The following HIP1 variants were observed in gnomAD, a reference collection of about 807,000 sequenced individuals.
HIP1 encodes the protein huntingtin interacting protein 1.
HIP1 carries 65 observed loss-of-function variants against 147.6 expected under a neutral mutation model. The observed-to-expected ratio is 0.44, with a 90% confidence interval of 0.36 to 0.54. The LOEUF is 0.54. Among genes scored for constraint, HIP1 ranks in the 20% least tolerant of loss-of-function variants. The probability of loss-of-function intolerance (pLI) is 0.00; values close to 1 mark genes in which losing one functional copy is unlikely to be tolerated. For synonymous variants in HIP1, 479 were observed against 504.0 expected, an observed-to-expected ratio of 0.95 and a Z score of 0.67; for missense variants, 1,061 against 1,299.6, an observed-to-expected ratio of 0.82 and a Z score of 2.82.
At chr7:75,708,212 G>A (rs372410467) in intron 1 of HIP1, among the ~76,000 whole-genome samples, 2 of 152,096 alleles carry the variant, frequency 1.3e-5, no homozygotes, top group Admixed American at 6.6e-5. Flanking sequence ...GTTTTTCATC[G>A]CTGAGTTTTA....
intron 7 of HIP1, among the ~76,000 whole-genome samples, chr7:75,577,070 G>A (rs1303198486): frequency 6.6e-6 from 1 of 152,082 alleles, no homozygotes; most frequent in African/African-American, 2.4e-5. Flanking sequence ...GGTGGCTCAT[G>A]CCTATAATCC....
intron 1 of HIP1, among the ~76,000 whole-genome samples, chr7:75,641,733 C>T (rs1369375564): frequency 2.0e-5 from 3 of 152,076 alleles, no homozygotes; most frequent in Admixed American, 6.6e-5. Context: ...CCGACCTCAG[C>T]CTCCCAAAGT....
At chr7:75,619,547 A>C (rs1176836369) in intron 1 of HIP1, among the ~76,000 whole-genome samples, 1 of 151,882 alleles carries the variant, frequency 6.6e-6, no homozygotes, top group African/African-American at 2.4e-5. Flanking sequence ...GAAAAACAGT[A>C]ACAAAAAGGA....
At chr7:75,663,984 GTA>G (rs782429323) in intron 1 of HIP1, among the ~76,000 whole-genome samples, 1,230 of 7,776 alleles carry the variant, frequency 0.16, 468 homozygotes, top group African/African-American at 0.53. Flanking sequence ...ACATATATGT[GTA>G]TATATATACA....
chr7:75,557,530 T>C, intron 16 of HIP1, 124 bp downstream of exon 16: 3 of 738,994 alleles, frequency 4.1e-6, no homozygotes, highest in Non-Finnish European at 7.4e-6. Context: ...CACCATGGTG[T>C]GCTCCCTGCT....
chr7:75,608,164 C>T (rs1167799799), intron 1 of HIP1, among the ~76,000 whole-genome samples: 6 of 152,014 alleles, frequency 3.9e-5, no homozygotes, highest in Non-Finnish European at 8.8e-5. Context: ...AAAAATTAGC[C>T]GGGCGTGGTG....
chr7:75,608,702 A>G (rs1268855790), intron 1 of HIP1, among the ~76,000 whole-genome samples: 15 of 152,248 alleles, frequency 9.9e-5, no homozygotes, highest in Non-Finnish European at 2.2e-4. Flanking sequence ...AAGCTGTCTC[A>G]TGAAAGAGAA....
At chr7:75,640,728 G>A (rs1798621586) in intron 1 of HIP1, among the ~76,000 whole-genome samples, 1 of 150,284 alleles carries the variant, frequency 6.7e-6, no homozygotes, top group Non-Finnish European at 1.5e-5. Flanking sequence ...GCTCCAGCCT[G>A]GATGACAGAA....
chr7:75,679,038 T>G (rs1799981257), intron 1 of HIP1, among the ~76,000 whole-genome samples: 1 of 152,124 alleles, frequency 6.6e-6, no homozygotes, highest in Admixed American at 6.6e-5. Context: ...GCTTTTAAAC[T>G]GGGGTCGCTA....
intron 4 of HIP1, among the ~76,000 whole-genome samples, chr7:75,587,657 C>A (rs1411255111): frequency 6.6e-6 from 1 of 152,154 alleles, no homozygotes; most frequent in Admixed American, 6.5e-5. Context: ...CTGGACAAAG[C>A]TTCCTACTTA....
At chr7:75,551,920 G>A (rs1018413627) in intron 22 of HIP1, among the ~76,000 whole-genome samples, 2 of 151,550 alleles carry the variant, frequency 1.3e-5, no homozygotes, top group African/African-American at 2.4e-5. Context: ...GTGGAGTTTC[G>A]CTCCTGTTGC....
chr7:75,575,082 CAG>C (rs1343352554), intron 7 of HIP1, among the ~76,000 whole-genome samples: 1 of 150,114 alleles, frequency 6.7e-6, no homozygotes, highest in East Asian at 2.0e-4. Context: ...CGCTTGAACC[CAG>C]GAGGTGGAGG....
At position 75,536,935 on chromosome 7, in the gene HIP1, G is replaced by A. The variant is rs1554488798; in HGVS notation, c.*1237C>T. The A allele has an allele frequency of 4.3e-6, 1 of 231,260 alleles. No homozygotes were observed. Among genetic ancestry groups the A allele is most frequent in the Non-Finnish European group, 8.6e-6 (1 of 116,902 alleles). The allele number at this position is 231,260 out of a possible 1,614,324, so 14.3% of individuals were successfully genotyped here. ...CAAACCAAGTATAGGGTTCTTCCCT[G>A]ATGGGAGCAATTGCATCTGATCTTC... On this transcript the variant is annotated 3_prime_UTR_variant, in exon 31 of 31. Transcript: ENST00000336926.
intron 8 of HIP1, among the ~76,000 whole-genome samples, chr7:75,571,203 A>C (rs1795618973): frequency 6.6e-6 from 1 of 152,102 alleles, no homozygotes; most frequent in Non-Finnish European, 1.5e-5. Context: ...CTGGGACTGC[A>C]GGTGTGCACC....
chr7:75,673,133 T>C (rs1029192220), intron 1 of HIP1, among the ~76,000 whole-genome samples: 2 of 151,754 alleles, frequency 1.3e-5, no homozygotes, highest in Admixed American at 1.3e-4. Flanking sequence ...GCGATTCTCC[T>C]GCCTCAGCCT....
At chr7:75,642,546 A>T (rs1798681761) in intron 1 of HIP1, among the ~76,000 whole-genome samples, 1 of 152,116 alleles carries the variant, frequency 6.6e-6, no homozygotes. Context: ...AAACAAAACA[A>T]AACAAAACCC....
At chr7:75,638,540 C>T (rs1173123732) in intron 1 of HIP1, among the ~76,000 whole-genome samples, 1 of 152,118 alleles carries the variant, frequency 6.6e-6, no homozygotes, top group African/African-American at 2.4e-5. Flanking sequence ...CTAGAACCTT[C>T]CCCGTCTCTG....
rs1182422659 is a variant in HIP1 at position 75,626,737 on chromosome 7, C to T, written c.121-27490G>A. ...AAACAAAAATTAAAGTCTACAAAAC[C>T]GTATTATGGTATGGCCCCATTTTGT... is the stretch of plus-strand genomic sequence containing the variant. On this transcript the variant is annotated intron_variant, in intron 1 of 30. Coordinates refer to ENST00000336926, the MANE Select transcript of HIP1 (RefSeq NM_005338.7). 9 of 152,184 alleles carry T rather than the reference C, an allele frequency of 5.9e-5. No individual in the cohort carries two copies. The East Asian group carries it at 7.7e-4, about 13-fold the overall frequency. The allele number at this position is 152,184 out of a possible 1,614,324, so 9.4% of individuals were successfully genotyped here.
intron 1 of HIP1, among the ~76,000 whole-genome samples, chr7:75,726,604 G>A (rs782561647): frequency 8.6e-5 from 13 of 151,116 alleles, no homozygotes; most frequent in South Asian, 6.3e-4. Flanking sequence ...ATCACCCCAC[G>A]TCCTTGCCAA....
Sources: allele counts gnomAD v4.1 joint callset (sites outside exome capture counted in the v4.1 genomes callset), GRCh38; gene constraint gnomAD v4.1.1; transcripts MANE v1.5; gene names NCBI Gene and HGNC (gene_info 2026-07-23, HGNC 2026-07-21).